Variants in ANKRD28 observed in about 807,000 individuals in gnomAD.
ANKRD28 encodes ankyrin repeat domain 28, also known as serine/threonine-protein phosphatase 6 regulatory ankyrin repeat subunit A.
A neutral mutation model predicts 126.5 loss-of-function variants in ANKRD28; 44 were observed. The observed-to-expected ratio is 0.35, with a 90% CI of 0.27 to 0.45. The LOEUF (loss-of-function observed/expected upper bound fraction) is 0.45. Among genes scored for constraint, ANKRD28 ranks in the 20% least tolerant of loss-of-function variants. The pLI is 1.00. For missense variants in ANKRD28, 1,110 were observed against 1,316.6 expected (o/e 0.84, Z 2.43); for synonymous variants, 442 against 468.5 (o/e 0.94, Z 0.73).
chr3:15,849,677 T>C (rs987988313), intron 1 of ANKRD28, among the ~76,000 whole-genome samples: 2 of 152,106 alleles, frequency 1.3e-5, no homozygotes, highest in Non-Finnish European at 2.9e-5. Flanking sequence ...CTTCTACCTG[T>C]TTCACACCCC....
chr3:15,790,355 C>G (rs1309522693), intron 2 of ANKRD28, among the ~76,000 whole-genome samples: 2 of 151,986 alleles, frequency 1.3e-5, no homozygotes, highest in East Asian at 3.8e-4. Context: ...AAACTACAGG[C>G]CAGTATCGCT....
intron 8 of ANKRD28, among the ~76,000 whole-genome samples, chr3:15,717,728 G>C (rs182327493): frequency 3.9e-5 from 6 of 152,074 alleles, no homozygotes; most frequent in African/African-American, 1.4e-4. Flanking sequence ...GTGGGAAAAC[G>C]TGTGCATATA....
At chr3:15,688,842 C>A (rs2068453960) in intron 18 of ANKRD28, among the ~76,000 whole-genome samples, 1 of 152,174 alleles carries the variant, frequency 6.6e-6, no homozygotes, top group Admixed American at 6.5e-5. Flanking sequence ...TGGAATAGTT[C>A]TTGCATAAAG....
upstream of ANKRD28, among the ~76,000 whole-genome samples, chr3:15,799,749 T>G (rs1437454173): frequency 1.3e-5 from 2 of 152,076 alleles, no homozygotes; most frequent in Non-Finnish European, 2.9e-5. Context: ...AGGTACATCC[T>G]GTTTCTTGTT....
chr3:15,850,122 C>T (rs2061605580), intron 1 of ANKRD28, among the ~76,000 whole-genome samples: 1 of 147,008 alleles, frequency 6.8e-6, no homozygotes, highest in South Asian at 2.1e-4. Flanking sequence ...GATGCCAAGA[C>T]AATTCAATGG....
At chr3:15,674,174 CA>C (rs34806568) in intron 27 of ANKRD28, among the ~76,000 whole-genome samples, 45 of 40,286 alleles carry the variant, frequency 1.1e-3, no homozygotes, top group East Asian at 9.7e-3. Context: ...CCTGCCTCTT[CA>C]AAAAAAAAAA....
chr3:15,736,403 G>T (rs1044104792), intron 5 of ANKRD28, among the ~76,000 whole-genome samples: 2 of 152,146 alleles, frequency 1.3e-5, no homozygotes, highest in Admixed American at 6.6e-5. Context: ...CTTTGAAAAA[G>T]ACATGGCAGC....
chr3:15,711,369 A>T (rs1313083910), intron 11 of ANKRD28, 95 bp from the exon 12 acceptor site: 1 of 1,024,564 alleles, frequency 9.8e-7, no homozygotes, highest in East Asian at 2.5e-5. Context: ...CTCCCCTCCA[A>T]TCCCAAACAA....
chr3:15,859,580 CCCGCCG>C (rs564654804), exon 1 of ANKRD28: 42 of 228,696 alleles, frequency 1.8e-4, no homozygotes, highest in African/African-American at 2.7e-4. Flanking sequence ...TCCCCGGCCG[CCCGCCG>C]CCGCCGCCGC....
Position 15,816,840 on chromosome 3 carries a change from G to A in ANKRD28, c.28-21534C>T, listed in dbSNP as rs4685264. Among the ~76,000 whole-genome samples the A allele has an allele frequency of 0.47, 70,785 of 152,002 alleles. 19,427 individuals carry two copies. Among genetic ancestry groups the A allele is most frequent in the Non-Finnish European group, 0.6 (40,537 of 67,958 alleles). Reference sequence around the variant, plus strand: ...AAATCCAAACTGAGAGTAAATATGTGCATAGGTTGTGCATAGATTAATCAT... The same window carrying A: ...AAATCCAAACTGAGAGTAAATATGTACATAGGTTGTGCATAGATTAATCAT... On this transcript the variant is annotated intron_variant, in intron 1 of 27. Transcript: ENST00000399451. The surrounding 1 kb of genome is among the most constrained non-coding windows in gnomAD (Gnocchi z 5.0).
chr3:15,677,644 A>C, intron 24 of ANKRD28, 82 bp from the exon 25 acceptor site: 1 of 1,053,926 alleles, frequency 9.5e-7, no homozygotes, highest in Non-Finnish European at 1.4e-6. Flanking sequence ...AGAAATGAAG[A>C]TACAAAGCAA....
chr3:15,771,262 T>A (rs1046625732), intron 2 of ANKRD28, among the ~76,000 whole-genome samples: 101 of 151,864 alleles, frequency 6.7e-4, no homozygotes, highest in African/African-American at 2.1e-3. Context: ...ATACAAAAAT[T>A]AGCCAGGCGT....
At chr3:15,774,157 A>G (rs985244703) in intron 2 of ANKRD28, among the ~76,000 whole-genome samples, 1 of 152,254 alleles carries the variant, frequency 6.6e-6, no homozygotes, top group African/African-American at 2.4e-5. Context: ...AAGGAATCAT[A>G]GACCTATTTC....
chr3:15,711,440 T>A lies in ANKRD28; in HGVS notation c.1274-166A>T, dbSNP rs1022730268. On this transcript the variant is annotated intron_variant, in intron 11 of 27. Coordinates refer to ENST00000683139, the MANE Select transcript of ANKRD28 (RefSeq NM_001349278.2). ...AAAGGCAATAGGATACAATGGAGTA[T>A]TATTTAGCAATAAAAAGAAATAAAG... Among the ~76,000 whole-genome samples, 34 of 152,314 alleles carry A rather than the reference T, an allele frequency of 2.2e-4. 5 individuals are homozygous for A. The highest frequency in any genetic ancestry group is 9.8e-4 in the Admixed American group (15 of 15,286).
Position 15,854,596 on chromosome 3 carries a change from A to G in ANKRD28, c.27+4781T>C, listed in dbSNP as rs2061722263. 6.6e-6 allele frequency among the ~76,000 whole-genome samples: 1 copy of G among 152,238 alleles called. No individual in the cohort carries two copies. The highest frequency in any genetic ancestry group is 1.5e-5 in the Non-Finnish European group (1 of 68,040). ...TGAACTGTATGTTACATTTTCAATT[A>G]ATATGCTCCACATGTTTTCCTTCAG... On this transcript the variant is annotated intron_variant, in intron 1 of 27. Coordinates refer to the ANKRD28 transcript ENST00000399451. The surrounding 1 kb of genome is among the most constrained non-coding windows in gnomAD (Gnocchi z 4.1).
intron 1 of ANKRD28, among the ~76,000 whole-genome samples, chr3:15,809,638 T>C (rs2060665717): frequency 6.6e-6 from 1 of 152,212 alleles, no homozygotes; most frequent in Non-Finnish European, 1.5e-5. Context: ...AAACCCACTG[T>C]CACCAAGTCC....
intron 1 of ANKRD28, among the ~76,000 whole-genome samples, chr3:15,805,784 A>G (rs2060564461): frequency 6.6e-6 from 1 of 152,214 alleles, no homozygotes; most frequent in Non-Finnish European, 1.5e-5. Context: ...GTTTTAAAAT[A>G]AGTTGCTATG....
At chr3:15,829,060 A>G (rs2061132019) in intron 1 of ANKRD28, among the ~76,000 whole-genome samples, 1 of 152,094 alleles carries the variant, frequency 6.6e-6, no homozygotes, top group African/African-American at 2.4e-5. Flanking sequence ...TGGTCTTAAG[A>G]CCTCTTCACA....
intron 1 of ANKRD28, among the ~76,000 whole-genome samples, chr3:15,849,763 T>C (rs1360353455): frequency 1.3e-5 from 2 of 152,246 alleles, no homozygotes; most frequent in African/African-American, 4.8e-5. Flanking sequence ...CTATCATTTT[T>C]CCTCAAATTT....
Sources: gnomAD v4.1 joint callset for allele counts (sites outside exome capture counted in the v4.1 genomes callset) on GRCh38, gnomAD v4.1.1 for gene constraint, Gnocchi (gnomAD v3.1) non-coding constraint, MANE v1.5 for transcripts, NCBI Gene and HGNC (gene_info 2026-07-23, HGNC 2026-07-21) for gene names.